Variants in ANKRD6 observed in about 807,000 individuals in gnomAD.
The protein encoded by ANKRD6 is ankyrin repeat domain-containing protein 6.
In ANKRD6, 56 loss-of-function variants were observed where a neutral mutation model predicts 82.3. That is an observed-to-expected ratio of 0.68 (90% confidence interval 0.55 to 0.85). The LOEUF (loss-of-function observed/expected upper bound fraction) is 0.85. ANKRD6 is among the 40% of genes least tolerant of loss of function. ANKRD6 has a pLI of 0.00. For synonymous variants in ANKRD6, 347 were observed against 352.1 expected, an observed-to-expected ratio of 0.99 and a Z score of 0.16; for missense variants, 852 against 907.6, an observed-to-expected ratio of 0.94 and a Z score of 0.79.
At chr6:89,557,581 G>A (rs1371869885) in intron 1 of ANKRD6, among the ~76,000 whole-genome samples, 3 of 152,200 alleles carry the variant, frequency 2.0e-5, no homozygotes, top group Non-Finnish European at 4.4e-5. Flanking sequence ...AAACCAGCCG[G>A]TGGGAGTGCA....
chr6:89,633,792 CT>C lies in ANKRD6; in HGVS notation c.*2789del, dbSNP rs1398335888. The stretch of plus-strand genomic sequence containing the variant: ...GTGTCTCTTCCAAGCATTAAAGATA[CT>C]ATGGATCTTAAATTCCTTATTAAAA... On this transcript the variant is annotated 3_prime_UTR_variant, in exon 16 of 16. Coordinates refer to ENST00000339746, the MANE Select transcript of ANKRD6 (RefSeq NM_001242809.2). 1 of 152,248 alleles carries C rather than the reference CT, an allele frequency of 6.6e-6. No homozygotes were observed. Among genetic ancestry groups the C allele is most frequent in the African/African-American group, 2.4e-5 (1 of 41,540 alleles). 9.4% of individuals were successfully genotyped at this position (152,248 alleles called of 1,614,324 possible).
At position 89,566,278 on chromosome 6, in the gene ANKRD6, G is replaced by A. The variant is rs191590969; in HGVS notation, c.-143-556G>A. On this transcript the variant is annotated intron_variant, in intron 1 of 15. Coordinates refer to ENST00000339746, the MANE Select transcript of ANKRD6 (RefSeq NM_001242809.2). The stretch of plus-strand genomic sequence containing the variant: ...CAGCTCTCCATCTGTTCCAGAACTC[G>A]TGAACTACACTATTTACGGTGAAAA... Among the ~76,000 whole-genome samples, 6 of 152,360 alleles carry A rather than the reference G, an allele frequency of 3.9e-5. No individual in the cohort carries two copies. In the East Asian group the frequency reaches 1.2e-3, roughly 29 times the overall value.
intron 3 of ANKRD6, among the ~76,000 whole-genome samples, chr6:89,596,334 TAAAG>T (rs1291837355): frequency 2.6e-5 from 4 of 152,094 alleles, no homozygotes; most frequent in Admixed American, 2.6e-4. Flanking sequence ...TGTCTCAGCA[TAAAG>T]AGACACACAC....
chr6:89,445,828 C>T (rs1772007662), intron 1 of ANKRD6, among the ~76,000 whole-genome samples: 1 of 151,932 alleles, frequency 6.6e-6, no homozygotes, highest in South Asian at 2.1e-4. Context: ...GATCCTCCTG[C>T]CTTGGCCTCC....
In ANKRD6 at chr6:89,433,801, C is replaced by T. The variant is rs1770271042; in HGVS notation, c.-144+426C>T. 6.6e-6 allele frequency among the ~76,000 whole-genome samples: 1 copy of T among 152,242 alleles called. No individual in the cohort carries two copies. Among genetic ancestry groups the T allele is most frequent in the African/African-American group, 2.4e-5 (1 of 41,470 alleles). On this transcript the variant is annotated intron_variant, in intron 1 of 15. Coordinates refer to ENST00000339746, the MANE Select transcript of ANKRD6 (RefSeq NM_001242809.2). This position sits in a 1 kb window ranked among gnomAD's most constrained non-coding sequence, Gnocchi z 4.3. ...GCCGCCTCCGAATGACCCCGTCCCT[C>T]CCCGCCCTGGACGACAGCACTAGGG...
intron 1 of ANKRD6, among the ~76,000 whole-genome samples, chr6:89,546,303 GC>G (rs1785083322): frequency 6.6e-6 from 1 of 152,024 alleles, no homozygotes; most frequent in Non-Finnish European, 1.5e-5. Context: ...TGCTTCTCCA[GC>G]CAAGCCATAA....
At chr6:89,555,191 C>T (rs1786426669) in intron 1 of ANKRD6, among the ~76,000 whole-genome samples, 1 of 148,820 alleles carries the variant, frequency 6.7e-6, no homozygotes, top group Admixed American at 6.8e-5. Context: ...TCCCGCTTGT[C>T]CTCTAAGTCT....
chr6:89,570,393 G>A (rs1336483765), intron 2 of ANKRD6, among the ~76,000 whole-genome samples: 1 of 151,876 alleles, frequency 6.6e-6, no homozygotes, highest in Non-Finnish European at 1.5e-5. Flanking sequence ...TATTTATTGT[G>A]GTAAAATATA....
chr6:89,461,028 G>T (rs560813673), intron 1 of ANKRD6, among the ~76,000 whole-genome samples: 2 of 151,610 alleles, frequency 1.3e-5, no homozygotes, highest in African/African-American at 4.9e-5. Context: ...AGCCTCCTGA[G>T]TAACTGGGAT....
chr6:89,509,889 T>C (rs146151921), intron 1 of ANKRD6, among the ~76,000 whole-genome samples: 126 of 152,336 alleles, frequency 8.3e-4, no homozygotes, highest in Non-Finnish European at 5.9e-5. Context: ...TCACAATCCA[T>C]GTTCTTAACC....
chr6:89,486,082 A>G (rs191449868), intron 1 of ANKRD6, among the ~76,000 whole-genome samples: 1 of 152,320 alleles, frequency 6.6e-6, no homozygotes, highest in East Asian at 1.9e-4. Flanking sequence ...TGGGGTCATA[A>G]TGTATGATGT....
At chr6:89,525,034 C>A (rs1656630387) in intron 1 of ANKRD6, among the ~76,000 whole-genome samples, 1 of 151,910 alleles carries the variant, frequency 6.6e-6, no homozygotes, top group Admixed American at 6.6e-5. Flanking sequence ...GTGGTTCATG[C>A]CTGTAATACC....
chr6:89,460,065 T>C (rs1203233064), intron 1 of ANKRD6, among the ~76,000 whole-genome samples: 1 of 151,338 alleles, frequency 6.6e-6, no homozygotes, highest in African/African-American at 2.4e-5. Flanking sequence ...GGCAGTCTTT[T>C]AGAAATTGCC....
At chr6:89,470,575 C>G (rs1177273014) in intron 1 of ANKRD6, among the ~76,000 whole-genome samples, 1 of 152,110 alleles carries the variant, frequency 6.6e-6, no homozygotes, top group Non-Finnish European at 1.5e-5. Context: ...GAGCTGAGAT[C>G]GTGCCACTGC....
At chr6:89,455,774 A>G (rs931140490) in intron 1 of ANKRD6, among the ~76,000 whole-genome samples, 3 of 152,140 alleles carry the variant, frequency 2.0e-5, no homozygotes, top group African/African-American at 7.2e-5. Context: ...AGGCCTCCCC[A>G]GAAGCTGATA....
chr6:89,487,276 A>T (rs1777485036), intron 1 of ANKRD6, among the ~76,000 whole-genome samples: 1 of 152,244 alleles, frequency 6.6e-6, no homozygotes, highest in Admixed American at 6.5e-5. Context: ...ATATCGTCTT[A>T]TCAGCACCAG....
intron 1 of ANKRD6, among the ~76,000 whole-genome samples, chr6:89,549,786 A>G (rs554445401): frequency 6.6e-6 from 1 of 152,192 alleles, no homozygotes; most frequent in Non-Finnish European, 1.5e-5. Flanking sequence ...TATGCTTCAA[A>G]CAGACTGATG....
intron 5 of ANKRD6, among the ~76,000 whole-genome samples, chr6:89,610,816 A>AAC (rs1201703365): frequency 6.6e-6 from 1 of 151,812 alleles, no homozygotes; most frequent in African/African-American, 2.4e-5. Context: ...AAAAAAAAAA[A>AAC]ACCTGAAGAC....
At chr6:89,609,562 A>G (rs1799677614) in intron 5 of ANKRD6, among the ~76,000 whole-genome samples, 1 of 152,104 alleles carries the variant, frequency 6.6e-6, no homozygotes, top group Non-Finnish European at 1.5e-5. Flanking sequence ...TTGGCCTCCC[A>G]AAGTGCTGGG....
Sources: allele counts gnomAD v4.1 joint callset (sites outside exome capture counted in the v4.1 genomes callset), GRCh38; gene constraint gnomAD v4.1.1; non-coding constraint Gnocchi (gnomAD v3.1); transcripts MANE v1.5; gene names NCBI Gene and HGNC (gene_info 2026-07-23, HGNC 2026-07-21).